The following PAK1 variants were observed in gnomAD, a reference collection of about 807,000 sequenced individuals.
PAK1 encodes the protein serine/threonine-protein kinase PAK 1.
In PAK1, 29 loss-of-function variants were observed where a neutral mutation model predicts 67.4. The ratio of observed to expected loss-of-function variants is 0.43; its 90% confidence interval spans 0.32 to 0.59. The LOEUF is 0.59. Among genes scored for constraint, PAK1 ranks in the 20% least tolerant of loss-of-function variants. The pLI, the probability that PAK1 is intolerant of heterozygous loss-of-function variation, is 0.07. For synonymous variants in PAK1, 223 were observed against 237.4 expected (o/e 0.94, Z 0.56); for missense variants, 337 against 670.7 (o/e 0.50, Z 5.50).
intron 2 of PAK1, among the ~76,000 whole-genome samples, chr11:77,382,178 G>A (rs1370268409): frequency 6.6e-6 from 1 of 152,136 alleles, no homozygotes; most frequent in Admixed American, 6.5e-5. Flanking sequence ...GGCATGAACT[G>A]TCAAATGCAT....
At chr11:77,410,368 T>A (rs1257008949) in intron 1 of PAK1, among the ~76,000 whole-genome samples, 1 of 152,006 alleles carries the variant, frequency 6.6e-6, no homozygotes. Context: ...GGAGTGCTTG[T>A]TGGCAGGCCC....
At chr11:77,375,994 A>G (rs1302514309) in intron 4 of PAK1, among the ~76,000 whole-genome samples, 1 of 152,208 alleles carries the variant, frequency 6.6e-6, no homozygotes, top group Non-Finnish European at 1.5e-5. Flanking sequence ...CAAATCCAGA[A>G]TAGCTAGCAG....
Position 77,343,827 on chromosome 11 carries a change from G to A in PAK1, c.990C>T (p.Tyr330=). ...RENKNPNIVN[Y]LDSYLVGDEL... is the part of the protein sequence containing the mutation. ...GACCCACCACTCCATACCTGTCCAA[G>A]TAATTCACAATGTTTGGGTTCTTGT... Residue 330 remains tyrosine (Y), a synonymous_variant, in exon 10 of 15, where the codon TAC becomes TAT. Coordinates refer to ENST00000356341, the MANE Select transcript of PAK1 (RefSeq NM_002576.5). The A allele has an allele frequency of 6.3e-7, 1 of 1,592,898 alleles. No individual in the cohort carries two copies.
chr11:77,351,748 T>A (rs972186262), intron 8 of PAK1, among the ~76,000 whole-genome samples: 39 of 146,568 alleles, frequency 2.7e-4, no homozygotes, highest in Non-Finnish European at 1.1e-4. Flanking sequence ...GTGTATAATT[T>A]AAAAAAAAAA....
At chr11:77,423,900 G>C (rs749066268) in intron 1 of PAK1, among the ~76,000 whole-genome samples, 3 of 152,294 alleles carry the variant, frequency 2.0e-5, no homozygotes, top group East Asian at 1.9e-4. Context: ...TGACTCAAAG[G>C]ATTCTTAGAT....
the PAK1 span, among the ~76,000 whole-genome samples, chr11:77,514,002 A>T: frequency 6.6e-6 from 1 of 152,196 alleles, no homozygotes; most frequent in Non-Finnish European, 1.5e-5. Context: ...CATTTTACTG[A>T]TAAGGAATGA....
chr11:77,524,838 G>A, the PAK1 span, among the ~76,000 whole-genome samples: 3 of 152,058 alleles, frequency 2.0e-5, no homozygotes, highest in African/African-American at 7.2e-5. Context: ...ACACACAAAT[G>A]TTTGTCAAAA....
intron 14 of PAK1, among the ~76,000 whole-genome samples, chr11:77,327,495 A>C (rs1215103734): frequency 1.3e-5 from 2 of 151,978 alleles, no homozygotes; most frequent in African/African-American, 2.4e-5. Context: ...TTCTTAAAGA[A>C]AAGAATTTTC....
At chr11:77,468,806 T>C (rs921762295) in intron 1 of PAK1, among the ~76,000 whole-genome samples, 2 of 152,176 alleles carry the variant, frequency 1.3e-5, no homozygotes, top group African/African-American at 4.8e-5. Context: ...AGTAAAGTAC[T>C]ACACTTAGAA....
chr11:77,502,467 C>A, the PAK1 span, among the ~76,000 whole-genome samples: 1 of 152,164 alleles, frequency 6.6e-6, no homozygotes, highest in African/African-American at 2.4e-5. Context: ...AATCTTTCAT[C>A]ATTTCCTTAG....
At chr11:77,399,236 G>C (rs1191426923) in intron 1 of PAK1, among the ~76,000 whole-genome samples, 1 of 152,194 alleles carries the variant, frequency 6.6e-6, no homozygotes, top group East Asian at 1.9e-4. Flanking sequence ...TCACCATCTA[G>C]TTAGCAGAAG....
chr11:77,482,509 A>G, the PAK1 span, among the ~76,000 whole-genome samples: 1 of 152,156 alleles, frequency 6.6e-6, no homozygotes, highest in Non-Finnish European at 1.5e-5. Context: ...ATATACTTTA[A>G]CACTCACTGA....
intron 14 of PAK1, among the ~76,000 whole-genome samples, chr11:77,327,302 CGAGAA>C (rs1377962630): frequency 6.6e-6 from 1 of 151,940 alleles, no homozygotes; most frequent in African/African-American, 2.4e-5. Context: ...AGATACTCCT[CGAGAA>C]GAGCAACTCC....
intron 1 of PAK1, among the ~76,000 whole-genome samples, chr11:77,472,946 T>C (rs1047813705): frequency 2.0e-5 from 3 of 152,234 alleles, no homozygotes; most frequent in Non-Finnish European, 4.4e-5. Flanking sequence ...AATCATGTCT[T>C]TTCAAACGTA....
chr11:77,467,510 C>G (rs1406770302), intron 1 of PAK1, among the ~76,000 whole-genome samples: 1 of 152,144 alleles, frequency 6.6e-6, no homozygotes, highest in African/African-American at 2.4e-5. Flanking sequence ...TCATATAATA[C>G]TTACATAAGA....
At chr11:77,412,339 G>A (rs529888882) in intron 1 of PAK1, among the ~76,000 whole-genome samples, 24 of 152,102 alleles carry the variant, frequency 1.6e-4, no homozygotes, top group Non-Finnish European at 2.6e-4. Context: ...CCCCAAACGT[G>A]CCAGGTTCTA....
At chr11:77,433,741 T>G (rs1955974140) in intron 1 of PAK1, among the ~76,000 whole-genome samples, 1 of 152,198 alleles carries the variant, frequency 6.6e-6, no homozygotes, top group African/African-American at 2.4e-5. Context: ...ATCGCACCAC[T>G]GCACTCCAGC....
chr11:77,446,368 C>T (rs539600138), intron 1 of PAK1, among the ~76,000 whole-genome samples: 16 of 152,068 alleles, frequency 1.1e-4, no homozygotes, highest in South Asian at 2.1e-4. Context: ...AAAAATTAGC[C>T]AGGCATGCTG....
At chr11:77,523,016 C>G in the PAK1 span, among the ~76,000 whole-genome samples, 1 of 152,238 alleles carries the variant, frequency 6.6e-6, no homozygotes, top group African/African-American at 2.4e-5. Context: ...GGGAGCGAAA[C>G]ACTGGGTACA....
Sources: allele counts gnomAD v4.1 joint callset (sites outside exome capture counted in the v4.1 genomes callset), GRCh38; gene constraint gnomAD v4.1.1; transcripts MANE v1.5; gene names NCBI Gene and HGNC (gene_info 2026-07-23, HGNC 2026-07-21).